The following TRDN variants were observed in gnomAD, a reference collection of about 807,000 sequenced individuals.
TRDN encodes triadin in skeletal muscle.
TRDN carries 161 observed loss-of-function variants against 149.7 expected under a neutral mutation model. That is an observed-to-expected ratio of 1.08 (90% CI 0.95 to 1.23). TRDN has a LOEUF of 1.23. TRDN is among the 50% of genes most tolerant of loss of function. TRDN has a pLI of 0.00. For missense variants in TRDN, 896 were observed against 823.5 expected (o/e 1.09, Z -1.08); for synonymous variants, 294 against 250.5 (o/e 1.17, Z -1.64).
chr6:123,388,759 A>G (rs1450027780), intron 13 of TRDN, among the ~76,000 whole-genome samples: 1 of 152,190 alleles, frequency 6.6e-6, no homozygotes, highest in Non-Finnish European at 1.5e-5. Flanking sequence ...TTAGCAAAAG[A>G]AGAAAAAAAT....
At chr6:123,352,695 G>T in intron 20 of TRDN, 109 bp from the exon 21 acceptor site, 1 of 1,388,118 alleles carries the variant, frequency 7.2e-7, no homozygotes, top group Non-Finnish European at 9.5e-7. Flanking sequence ...TTTTACACAA[G>T]TTATTTTGAA....
chr6:123,556,885 G>A (rs980153606), intron 2 of TRDN, among the ~76,000 whole-genome samples: 25 of 152,068 alleles, frequency 1.6e-4, no homozygotes, highest in African/African-American at 6.0e-4. Flanking sequence ...TATCCCCTGT[G>A]ACCTGCATGT....
rs200243235 is a variant in TRDN at position 123,352,541 on chromosome 6, T to C, written c.1367A>G (p.Gln456Arg). ...KEEKTTKTVE[Q>R]EIRKEKSGKT... Reference sequence around the variant, plus strand: ...CAACCTCCTTCATTTTTTTTTACCTTGCTCCACTGTCTTGGTTGTTTTCTC... The same window carrying C: ...CAACCTCCTTCATTTTTTTTTACCTCGCTCCACTGTCTTGGTTGTTTTCTC... Residue 456 changes from glutamine (Q) to arginine (R), a missense_variant and splice_region_variant, in exon 21 of 41, where the codon CAA becomes CGA. Gln to Arg is a conservative substitution (Grantham distance 43). Coordinates refer to ENST00000334268, the MANE Select transcript of TRDN (RefSeq NM_006073.4). 3,247 of 1,611,392 alleles carry C rather than the reference T, an allele frequency of 2.0e-3. 5 individuals carry two copies. The highest frequency in any genetic ancestry group is 2.5e-3 in the Non-Finnish European group (2,932 of 1,178,518).
chr6:123,352,386 A>G, intron 21 of TRDN, 153 bp downstream of exon 21: 1 of 1,376,786 alleles, frequency 7.3e-7, no homozygotes, highest in Non-Finnish European at 9.4e-7. Flanking sequence ...GCTGTCTCAC[A>G]TTCTCCCTGG....
At chr6:123,412,630 C>T (rs560543367) in intron 12 of TRDN, among the ~76,000 whole-genome samples, 1 of 152,264 alleles carries the variant, frequency 6.6e-6, no homozygotes, top group African/African-American at 2.4e-5. Flanking sequence ...GTTCTGTAAG[C>T]AAGATGCCTG....
chr6:123,428,440 G>A (rs1774211722), intron 12 of TRDN, among the ~76,000 whole-genome samples: 1 of 152,126 alleles, frequency 6.6e-6, no homozygotes, highest in African/African-American at 2.4e-5. Context: ...AATCCCAAGG[G>A]AGTAGAGTCC....
intron 21 of TRDN, among the ~76,000 whole-genome samples, chr6:123,337,961 G>C (rs1779935257): frequency 6.6e-6 from 1 of 152,102 alleles, no homozygotes; most frequent in Non-Finnish European, 1.5e-5. Context: ...AAGAATGATA[G>C]CTAACATTGT....
At chr6:123,447,240 C>G (rs1033116363) in intron 10 of TRDN, among the ~76,000 whole-genome samples, 4 of 152,184 alleles carry the variant, frequency 2.6e-5, no homozygotes, top group Non-Finnish European at 5.9e-5. Flanking sequence ...TACCCGAGAC[C>G]TTTAGTCATA....
intron 2 of TRDN, among the ~76,000 whole-genome samples, chr6:123,569,882 A>C (rs9388257): frequency 2.6e-5 from 4 of 151,996 alleles, no homozygotes; most frequent in Non-Finnish European, 4.4e-5. Flanking sequence ...ATAATTCATC[A>C]TGAGATTAGA....
intron 14 of TRDN, among the ~76,000 whole-genome samples, chr6:123,387,967 G>GA (rs1781970172): frequency 6.6e-6 from 1 of 152,028 alleles, no homozygotes; most frequent in Admixed American, 6.6e-5. Flanking sequence ...TGGATCTCTT[G>GA]AATCTACAAA....
At chr6:123,494,213 T>C (rs985345956) in intron 9 of TRDN, among the ~76,000 whole-genome samples, 1 of 152,164 alleles carries the variant, frequency 6.6e-6, no homozygotes, top group African/African-American at 2.4e-5. Flanking sequence ...CTCTATAATG[T>C]TGTAGGTCTG....
intron 24 of TRDN, among the ~76,000 whole-genome samples, chr6:123,286,860 T>G (rs567209027): frequency 5.9e-5 from 9 of 151,320 alleles, no homozygotes; most frequent in Admixed American, 1.3e-4. Flanking sequence ...CAGCAGCACC[T>G]GGGGAGTTGC....
At chr6:123,550,668 T>C (rs1473327320) in intron 2 of TRDN, among the ~76,000 whole-genome samples, 1 of 152,046 alleles carries the variant, frequency 6.6e-6, no homozygotes, top group Non-Finnish European at 1.5e-5. Flanking sequence ...GAAGATCTCA[T>C]AGAGAGCGGA....
chr6:123,315,842 C>A (rs1054524378), intron 24 of TRDN, among the ~76,000 whole-genome samples: 1 of 151,908 alleles, frequency 6.6e-6, no homozygotes, highest in African/African-American at 2.4e-5. Flanking sequence ...GAGTGCCCAG[C>A]TAATCTCTTG....
intron 24 of TRDN, among the ~76,000 whole-genome samples, chr6:123,295,565 A>G (rs934745793): frequency 6.6e-6 from 1 of 152,216 alleles, no homozygotes; most frequent in East Asian, 1.9e-4. Context: ...ATTACAAAAC[A>G]ATGAAAAATT....
chr6:123,598,847 A>G (rs1316703566), intron 1 of TRDN, among the ~76,000 whole-genome samples: 1 of 152,116 alleles, frequency 6.6e-6, no homozygotes, highest in Non-Finnish European at 1.5e-5. Flanking sequence ...TTTAAAAAGT[A>G]TTACATGTTT....
At chr6:123,580,764 T>C (rs1221506596) in intron 1 of TRDN, among the ~76,000 whole-genome samples, 3 of 152,214 alleles carry the variant, frequency 2.0e-5, no homozygotes, top group Admixed American at 6.5e-5. Context: ...TTCTTCTCTA[T>C]GTAAATAAAG....
intron 24 of TRDN, among the ~76,000 whole-genome samples, chr6:123,306,532 T>G (rs9320925): frequency 0.18 from 27,314 of 152,010 alleles, 3,261 homozygotes; most frequent in East Asian, 0.58. Context: ...TCCAAGAATG[T>G]AATTCTCTGC....
At chr6:123,351,137 G>T (rs1231855352) in intron 21 of TRDN, 2 of 984,350 alleles carry the variant, frequency 2.0e-6, no homozygotes, top group Non-Finnish European at 1.2e-6. Context: ...TACTAGAGGG[G>T]GAAAGCTATA....
Sources: gnomAD v4.1 joint callset for allele counts (sites outside exome capture counted in the v4.1 genomes callset) on GRCh38, gnomAD v4.1.1 for gene constraint, MANE v1.5 for transcripts, NCBI Gene and HGNC (gene_info 2026-07-23, HGNC 2026-07-21) for gene names.